The following REXO1 variants were observed in gnomAD, a reference collection of about 807,000 sequenced individuals.
The protein encoded by REXO1 is RNA exonuclease 1 homolog, also known as REX1, RNA exonuclease 1 homolog.
A neutral mutation model predicts 102.6 loss-of-function variants in REXO1; 42 were observed. That is an observed-to-expected ratio of 0.41 (90% CI 0.32 to 0.53). The LOEUF (loss-of-function observed/expected upper bound fraction) is 0.53. REXO1 is among the 20% of genes least tolerant of loss of function. The probability of loss-of-function intolerance (pLI) is 0.27; values close to 1 mark genes in which losing one functional copy is unlikely to be tolerated. For synonymous variants in REXO1, 908 were observed against 779.1 expected, an observed-to-expected ratio of 1.17 and a Z score of -2.76; for missense variants, 1,819 against 1,732.5, an observed-to-expected ratio of 1.05 and a Z score of -0.89.
chr19:1,817,399 A>C (rs2069401595), intron 11 of REXO1, 70 bp from the exon 12 acceptor site: 2 of 1,589,044 alleles, frequency 1.3e-6, no homozygotes, highest in Non-Finnish European at 1.7e-6. Flanking sequence ...GCAGCAGCAC[A>C]TCTCTGAGCC....
chr19:1,815,531 C>CCCTG lies in REXO1; in HGVS notation c.*531_*534dup, dbSNP rs769309671. 2.1e-5 allele frequency: 8 copies of CCCTG among 387,934 alleles called. No homozygotes were observed. The highest frequency in any genetic ancestry group is 3.3e-5 in the Non-Finnish European group (8 of 245,326). The allele number at this position is 387,934 out of a possible 1,614,324, so 24.0% of individuals were successfully genotyped here. A position where few individuals can be genotyped will look rare whatever the true frequency, so the allele number is the denominator to read the frequency against. On this transcript the variant is annotated 3_prime_UTR_variant, in exon 16 of 16. Coordinates refer to ENST00000170168, the MANE Select transcript of REXO1 (RefSeq NM_020695.4). The surrounding 1 kb of genome is among the most constrained non-coding windows in gnomAD (Gnocchi z 4.0). ...CCAGCCCACACTGCGCTGAGTGTGG[C>CCCTG]CCTGGCCCCCACTGGGGTCTGTCCC... is the stretch of plus-strand genomic sequence containing the variant.
At chr19:1,825,215 A>G (rs867632174) in intron 3 of REXO1, among the ~76,000 whole-genome samples, 3 of 146,222 alleles carry the variant, frequency 2.1e-5, no homozygotes, top group Middle Eastern at 3.3e-3. Flanking sequence ...CAGGAAAATC[A>G]CTTAAGCCCG....
intron 1 of REXO1, among the ~76,000 whole-genome samples, chr19:1,842,763 G>A (rs953110589): frequency 3.3e-5 from 5 of 152,220 alleles, no homozygotes; most frequent in African/African-American, 4.8e-5. Context: ...GCCTGGTGCC[G>A]GACTCGGCAA....
At chr19:1,847,070 GC>G (rs1250097419) in intron 1 of REXO1, among the ~76,000 whole-genome samples, 9 of 152,174 alleles carry the variant, frequency 5.9e-5, no homozygotes, top group African/African-American at 2.2e-4. Flanking sequence ...GTCCCTGAGA[GC>G]ACAGCCGGCA....
Position 1,828,421 on chromosome 19 carries a change from T to A in REXO1, c.368A>T (p.Glu123Val). The A allele has an allele frequency of 1.2e-6, 2 of 1,608,090 alleles. No individual in the cohort carries two copies. Among genetic ancestry groups the A allele is most frequent in the East Asian group, 2.2e-5 (1 of 44,738 alleles). The change falls in exon 2 of 16, where the codon GAG becomes GTG. Residue 123 changes from glutamate (E) to valine (V), a missense_variant. Physicochemically the swap from Glu to Val is moderately radical, Grantham distance 121. Transcript: ENST00000170168. ...LETTREHRSA[E>V]APALAPRGPN... ...GCCGCGGGGCGCCAGGGCGGGGGCCTCGGCGGAGCGGTGCTCACGGGTCGT... is the reference window on the plus strand; with the variant it reads ...GCCGCGGGGCGCCAGGGCGGGGGCCACGGCGGAGCGGTGCTCACGGGTCGT...
chr19:1,833,607 C>T (rs1009203243), intron 1 of REXO1, among the ~76,000 whole-genome samples: 1 of 152,162 alleles, frequency 6.6e-6, no homozygotes, highest in African/African-American at 2.4e-5. Flanking sequence ...GGGTGTCAGC[C>T]CCCACCCAGG....
At chr19:1,833,672 C>T (rs1160862519) in intron 1 of REXO1, among the ~76,000 whole-genome samples, 1 of 152,206 alleles carries the variant, frequency 6.6e-6, no homozygotes, top group Non-Finnish European at 1.5e-5. Flanking sequence ...GCCCACTTCA[C>T]TGGGGGAGGC....
intron 4 of REXO1, 26 bp downstream of exon 4, chr19:1,823,546 C>A: frequency 7.8e-7 from 1 of 1,283,370 alleles, no homozygotes; most frequent in Non-Finnish European, 9.9e-7. Flanking sequence ...GGCCCCCCGG[C>A]ACAGGCCCCC....
chr19:1,819,506 G>A (rs1051824839), intron 7 of REXO1, among the ~76,000 whole-genome samples: 4 of 152,190 alleles, frequency 2.6e-5, no homozygotes, highest in Non-Finnish European at 2.9e-5. Context: ...GGGCCCCTCC[G>A]AGTGCTAATG....
At chr19:1,823,334 G>A in intron 4 of REXO1, 1 of 394,128 alleles carries the variant, frequency 2.5e-6, no homozygotes. Context: ...GCAGGCTGTT[G>A]GACTCCTAGT....
Position 1,816,524 on chromosome 19 carries a change from C to A in REXO1, c.3363G>T (p.Thr1121=). 6.2e-7 allele frequency: 1 copy of A among 1,611,302 alleles called. No homozygotes were observed. Among genetic ancestry groups the A allele is most frequent in the Non-Finnish European group, 8.5e-7 (1 of 1,179,318 alleles). The stretch of plus-strand genomic sequence containing the variant: ...GCAGAACGGCCTGGACGTCACGCAG[C>A]GTGACACTTGTGTCGGCAAGGTCAG... The part of the protein sequence containing the change: ...TEADLADTSV[T]LRDVQAVLLS... The change falls in exon 14 of 16, where the codon ACG becomes ACT. Residue 1121 remains threonine (T), a synonymous_variant. Coordinates refer to ENST00000170168, the MANE Select transcript of REXO1 (RefSeq NM_020695.4).
chr19:1,837,906 C>T (rs551019124), intron 1 of REXO1, among the ~76,000 whole-genome samples: 73 of 152,366 alleles, frequency 4.8e-4, no homozygotes, highest in South Asian at 4.1e-3. Flanking sequence ...CCTCATGGGG[C>T]GGCCGTCCCC....
At chr19:1,832,770 G>A (rs945479387) in intron 1 of REXO1, among the ~76,000 whole-genome samples, 4 of 152,030 alleles carry the variant, frequency 2.6e-5, no homozygotes, top group South Asian at 2.1e-4. Flanking sequence ...TACAAAATTA[G>A]CCAGGCATGG....
At chr19:1,832,458 G>A (rs377318213) in intron 1 of REXO1, among the ~76,000 whole-genome samples, 1 of 152,242 alleles carries the variant, frequency 6.6e-6, no homozygotes, top group African/African-American at 2.4e-5. Context: ...AACCCTGCAG[G>A]GACAGCGGGA....
intron 1 of REXO1, among the ~76,000 whole-genome samples, chr19:1,846,693 A>G (rs973574692): frequency 1.3e-5 from 2 of 152,146 alleles, no homozygotes; most frequent in Non-Finnish European, 2.9e-5. Context: ...GTTTTGAGAC[A>G]AGCCTGGACA....
At chr19:1,817,414 G>C in intron 11 of REXO1, 85 bp from the exon 12 acceptor site, 15 of 1,565,342 alleles carry the variant, frequency 9.6e-6, no homozygotes, top group Non-Finnish European at 1.3e-5. Flanking sequence ...TGAGCCCTTC[G>C]GGACCATCCT....
At position 1,815,536 on chromosome 19, in the gene REXO1, G is replaced by T; in HGVS notation, c.*530C>A. On this transcript the variant is annotated 3_prime_UTR_variant, in exon 16 of 16. Transcript: ENST00000170168. The surrounding 1 kb of genome is among the most constrained non-coding windows in gnomAD (Gnocchi z 4.0). ...CCACACTGCGCTGAGTGTGGCCCTG[G>T]CCCCCACTGGGGTCTGTCCCACCCC... 2.5e-6 allele frequency: 1 copy of T among 403,926 alleles called. No homozygotes were observed. The highest frequency in any genetic ancestry group is 3.9e-6 in the Non-Finnish European group (1 of 259,664). 25.0% of individuals were successfully genotyped at this position (403,926 alleles called of 1,614,324 possible).
chr19:1,817,359 C>T, intron 11 of REXO1, 30 bp from the exon 12 acceptor site: 3 of 1,609,392 alleles, frequency 1.9e-6, no homozygotes, highest in African/African-American at 1.3e-5. Context: ...GTGAGGGCAG[C>T]TTCGGGGTGC....
chr19:1,822,750 C>T (rs2069584209), intron 4 of REXO1: 1 of 152,238 alleles, frequency 6.6e-6, no homozygotes, highest in African/African-American at 2.4e-5. Context: ...GAGAGCTCTC[C>T]CTAAGGAGGG....
Sources: allele counts gnomAD v4.1 joint callset (sites outside exome capture counted in the v4.1 genomes callset), GRCh38; gene constraint gnomAD v4.1.1; non-coding constraint Gnocchi (gnomAD v3.1); transcripts MANE v1.5; gene names NCBI Gene and HGNC (gene_info 2026-07-23, HGNC 2026-07-21).